LRRC37A2: variants seen among roughly 807,000 people sequenced by gnomAD.
LRRC37A2 encodes the protein leucine rich repeat containing 37 member A2, also known as leucine-rich repeat-containing protein 37A2.
A neutral mutation model predicts 68.8 loss-of-function variants in LRRC37A2; 9 were observed. The observed-to-expected ratio is 0.13, with a 90% confidence interval of 0.08 to 0.23. The LOEUF (loss-of-function observed/expected upper bound fraction) is 0.23, where lower values mean the gene tolerates loss of function less well. Among genes scored for constraint, LRRC37A2 ranks in the 10% least tolerant of loss-of-function variants. The probability of loss-of-function intolerance (pLI) is 1.00; values close to 1 mark genes in which losing one functional copy is unlikely to be tolerated. For synonymous variants in LRRC37A2, 63 were observed against 367.6 expected, an observed-to-expected ratio of 0.17 and a Z score of 9.48; for missense variants, 168 against 950.4, an observed-to-expected ratio of 0.18 and a Z score of 10.82.
At chr17:46,535,106 C>G (rs1240592332) in intron 6 of LRRC37A2, among the ~76,000 whole-genome samples, 1 of 148,326 alleles carries the variant, frequency 6.7e-6, no homozygotes, top group Non-Finnish European at 1.5e-5. Flanking sequence ...ATTGCCAGTG[C>G]TGGTATCCAA....
the LRRC37A2 span, among the ~76,000 whole-genome samples, chr17:46,821,592 G>A: frequency 6.6e-6 from 1 of 152,236 alleles, no homozygotes; most frequent in African/African-American, 2.4e-5. Context: ...ATCAGCCGGT[G>A]GACCAGGAGG....
chr17:46,518,154 TTTG>T (rs2051669329), intron 3 of LRRC37A2, among the ~76,000 whole-genome samples: 1 of 127,490 alleles, frequency 7.8e-6, no homozygotes, highest in Admixed American at 9.7e-5. Context: ...GCAAAATAGA[TTTG>T]TTTTGTGGTT....
At chr17:46,873,160 A>T in the LRRC37A2 span, among the ~76,000 whole-genome samples, 1 of 151,480 alleles carries the variant, frequency 6.6e-6, no homozygotes, top group Non-Finnish European at 1.5e-5. Context: ...AGACGTGAGG[A>T]TGGGCGGCAG....
the LRRC37A2 span, among the ~76,000 whole-genome samples, chr17:46,951,936 C>T: frequency 6.6e-6 from 1 of 152,168 alleles, no homozygotes; most frequent in African/African-American, 2.4e-5. Flanking sequence ...CATGTTCACC[C>T]CCACCAGGAA....
At chr17:46,831,641 G>A in the LRRC37A2 span, 3 of 152,328 alleles carry the variant, frequency 2.0e-5, no homozygotes, top group African/African-American at 7.2e-5. Context: ...AGGCAGGCAG[G>A]TCAGGCCCAA....
chr17:46,586,380 TCACACACACACA>T, the LRRC37A2 span, among the ~76,000 whole-genome samples: 1 of 17,426 alleles, frequency 5.7e-5, no homozygotes, highest in African/African-American at 6.9e-5. Context: ...TCTCTCTCTG[TCACACACACACA>T]CACACACACA....
chr17:46,502,799 G>GTTT, the LRRC37A2 span, among the ~76,000 whole-genome samples: 1 of 151,234 alleles, frequency 6.6e-6, no homozygotes, highest in African/African-American at 2.5e-5. Flanking sequence ...TATCCAAGGT[G>GTTT]ACAACTGTCT....
the LRRC37A2 span, among the ~76,000 whole-genome samples, chr17:46,991,700 G>T: frequency 6.6e-6 from 1 of 152,206 alleles, no homozygotes; most frequent in East Asian, 1.9e-4. Context: ...ATCCTAGAAG[G>T]TTTAGCTTCA....
At chr17:46,876,729 C>T in the LRRC37A2 span, 1 of 1,523,358 alleles carries the variant, frequency 6.6e-7, no homozygotes, top group African/African-American at 1.4e-5. Context: ...GCCTACTGCC[C>T]AGCAAGCCAG....
At chr17:46,529,522 T>C (rs2053342005) in intron 6 of LRRC37A2, among the ~76,000 whole-genome samples, 1 of 105,724 alleles carries the variant, frequency 9.5e-6, no homozygotes, top group Non-Finnish European at 2.2e-5. Flanking sequence ...CTAAAAACAC[T>C]CAAGGCTGGG....
At chr17:46,985,404 C>G in the LRRC37A2 span, among the ~76,000 whole-genome samples, 2 of 151,744 alleles carry the variant, frequency 1.3e-5, no homozygotes, top group Non-Finnish European at 2.9e-5. Flanking sequence ...CCTGTAATCC[C>G]AGCTACTCAG....
the LRRC37A2 span, among the ~76,000 whole-genome samples, chr17:47,014,409 GAAA>G: frequency 1.4e-5 from 2 of 147,290 alleles, no homozygotes; most frequent in Admixed American, 6.8e-5. Context: ...AAAAAAAAAA[GAAA>G]AAAGAAAAAC....
the LRRC37A2 span, chr17:47,024,570 C>T: frequency 1.3e-6 from 1 of 784,522 alleles, no homozygotes; most frequent in East Asian, 2.4e-5. Flanking sequence ...CAGATCCCAC[C>T]ATCTTGAAGT....
chr17:46,948,328 T>C, the LRRC37A2 span, among the ~76,000 whole-genome samples: 2 of 152,236 alleles, frequency 1.3e-5, no homozygotes, highest in African/African-American at 4.8e-5. Flanking sequence ...GGTTTTGTTG[T>C]GGTTGTTCAC....
the LRRC37A2 span, among the ~76,000 whole-genome samples, chr17:46,605,780 A>G: frequency 9.9e-4 from 74 of 74,398 alleles, no homozygotes; most frequent in Admixed American, 5.0e-3. Context: ...TGAAGAGTAA[A>G]GAATAATGGT....
chr17:47,012,969 A>G, the LRRC37A2 span, among the ~76,000 whole-genome samples: 1 of 152,282 alleles, frequency 6.6e-6, no homozygotes, highest in Non-Finnish European at 1.5e-5. Context: ...ATGTCCATCA[A>G]CTGATGAATG....
the LRRC37A2 span, among the ~76,000 whole-genome samples, chr17:47,034,063 A>G: frequency 5.2e-4 from 79 of 152,326 alleles, 2 homozygotes; most frequent in Middle Eastern, 6.8e-3. Context: ...GGCTGGGCAC[A>G]CTGGCTCATG....
the LRRC37A2 span, among the ~76,000 whole-genome samples, chr17:46,956,312 C>G: frequency 1.4e-5 from 1 of 71,176 alleles, no homozygotes; most frequent in Non-Finnish European, 2.5e-5. Context: ...TTTTTTGAGA[C>G]AGAGTTTCGC....
At chr17:46,923,841 A>T in the LRRC37A2 span, 4 of 399,080 alleles carry the variant, frequency 1.0e-5, 1 homozygote, top group East Asian at 7.1e-5. Flanking sequence ...ATCGTCCTGC[A>T]CTTTCGGAAT....
Sources: allele counts gnomAD v4.1 joint callset (sites outside exome capture counted in the v4.1 genomes callset), GRCh38; gene constraint gnomAD v4.1.1; transcripts MANE v1.5; gene names NCBI Gene and HGNC (gene_info 2026-07-23, HGNC 2026-07-21).